The following DTWD1 variants were observed in gnomAD, a reference collection of about 807,000 sequenced individuals.
DTWD1 encodes DTW motif tRNA-uridine aminocarboxypropyltransferase 1, also known as tRNA-uridine aminocarboxypropyltransferase 1.
DTWD1 carries 27 observed loss-of-function variants against 30.2 expected under a neutral mutation model. The ratio of observed to expected loss-of-function variants is 0.90; its 90% CI spans 0.66 to 1.23. The LOEUF (loss-of-function observed/expected upper bound fraction) is 1.23, where lower values mean the gene tolerates loss of function less well. Ranked by LOEUF, DTWD1 falls within the 50% of genes most tolerant of loss-of-function variation. The pLI is 0.00. For synonymous variants in DTWD1, 99 were observed against 113.1 expected (o/e 0.88, Z 0.79); for missense variants, 342 against 348.8 (o/e 0.98, Z 0.15).
intron 2 of DTWD1, among the ~76,000 whole-genome samples, chr15:49,627,210 T>G (rs1296258887): frequency 6.6e-6 from 1 of 152,194 alleles, no homozygotes; most frequent in Non-Finnish European, 1.5e-5. Flanking sequence ...TGATCATCTC[T>G]CAATGGTCTG....
At position 49,646,175 on chromosome 15, in the gene DTWD1, A is replaced by G. The variant is rs1045148693; in HGVS notation, c.*2597A>G. 8.5e-5 allele frequency: 13 copies of G among 152,242 alleles called. No individual in the cohort carries two copies. The highest frequency in any genetic ancestry group is 2.9e-4 in the African/African-American group (12 of 41,460). 9.4% of individuals were successfully genotyped at this position (152,242 alleles called of 1,614,324 possible). ...GATTGGCTGATGGCCAGCCAAACCC[A>G]AGATATGTGAATGATTCCAGCCAAG... On this transcript the variant is annotated 3_prime_UTR_variant, in exon 5 of 5. Coordinates refer to ENST00000403028, the MANE Select transcript of DTWD1 (RefSeq NM_001144955.2).
rs1304638598 is a variant in DTWD1 at position 49,648,519 on chromosome 15, T to C, written c.*4941T>C. 1.3e-5 allele frequency: 2 copies of C among 152,212 alleles called. No homozygotes were observed. 9.4% of individuals were successfully genotyped at this position (152,212 alleles called of 1,614,324 possible). On this transcript the variant is annotated 3_prime_UTR_variant, in exon 5 of 5. Transcript: ENST00000403028. The stretch of plus-strand genomic sequence containing the variant: ...GTTTTGTCATGTTTGGCCAGCCTTA[T>C]CTGAAACTCCTGACCTCAAGTGATC...
chr15:49,640,858 C>A (rs554741699), intron 4 of DTWD1, among the ~76,000 whole-genome samples: 1 of 151,922 alleles, frequency 6.6e-6, no homozygotes, highest in East Asian at 1.9e-4. Context: ...TTTTCAATTT[C>A]TTTTCTTTTG....
rs1377534902 is a variant in DTWD1 at position 49,647,421 on chromosome 15, C to G, written c.*3843C>G. 1.3e-5 allele frequency: 2 copies of G among 152,026 alleles called. No individual in the cohort carries two copies. Among genetic ancestry groups the G allele is most frequent in the Admixed American group, 1.3e-4 (2 of 15,260 alleles). 9.4% of individuals were successfully genotyped at this position (152,026 alleles called of 1,614,324 possible). A position where few individuals can be genotyped will look rare whatever the true frequency, so the allele number is the denominator to read the frequency against. ...TCAGTTCCATTTCCATACCCATTGC[C>G]TTAATTTTGAGCTTGTCTGTTTCTT... is the stretch of plus-strand genomic sequence containing the variant. On this transcript the variant is annotated 3_prime_UTR_variant, in exon 5 of 5. Transcript: ENST00000403028.
At chr15:49,632,381 T>C (rs1481138152) in intron 3 of DTWD1, 79 bp downstream of exon 3, 1 of 1,327,900 alleles carries the variant, frequency 7.5e-7, no homozygotes, top group Non-Finnish European at 1.0e-6. Context: ...CTGAACTTAC[T>C]CAAACATAAT....
rs577654821 is a variant in DTWD1 at position 49,647,506 on chromosome 15, A to G, written c.*3928A>G. On this transcript the variant is annotated 3_prime_UTR_variant, in exon 5 of 5. Transcript: ENST00000403028. Reference sequence around the variant, plus strand: ...ATTAAGTACAATAGATAAGGTACCTAAGAGCCTCGAAACATCACCAAATAC... The same window carrying G: ...ATTAAGTACAATAGATAAGGTACCTGAGAGCCTCGAAACATCACCAAATAC... 6.6e-6 allele frequency: 1 copy of G among 152,274 alleles called. No homozygotes were observed. The highest frequency in any genetic ancestry group is 2.1e-4 in the South Asian group (1 of 4,830). The allele number at this position is 152,274 out of a possible 1,614,324, so 9.4% of individuals were successfully genotyped here.
At chr15:49,626,992 T>G in intron 2 of DTWD1, 1 of 213,696 alleles carries the variant, frequency 4.7e-6, no homozygotes, top group South Asian at 7.0e-5. Context: ...TTTACATTTC[T>G]CTCATAGCCA....
rs1381427709 is a variant in DTWD1 at position 49,654,461 on chromosome 15, T to G, written c.*10883T>G. 6.6e-6 allele frequency: 1 copy of G among 152,028 alleles called. No individual in the cohort carries two copies. Among genetic ancestry groups the G allele is most frequent in the Non-Finnish European group, 1.5e-5 (1 of 68,010 alleles). 9.4% of individuals were successfully genotyped at this position (152,028 alleles called of 1,614,324 possible). The stretch of plus-strand genomic sequence containing the variant: ...GTGGTAAAAGTAAGGTCTGGCAGTT[T>G]TCACTTTCACTCTCCTGAACCTTCA... On this transcript the variant is annotated 3_prime_UTR_variant, in exon 5 of 5. Transcript: ENST00000403028.
intron 4 of DTWD1, among the ~76,000 whole-genome samples, chr15:49,636,238 T>C (rs1199047081): frequency 1.3e-5 from 2 of 152,100 alleles, no homozygotes; most frequent in Non-Finnish European, 2.9e-5. Flanking sequence ...CAATTAGTGT[T>C]ATCTATTTAT....
intron 4 of DTWD1, among the ~76,000 whole-genome samples, chr15:49,636,204 G>A (rs1353074099): frequency 6.6e-6 from 1 of 151,668 alleles, no homozygotes; most frequent in Non-Finnish European, 1.5e-5. Flanking sequence ...TTGCCAAGTA[G>A]TATTTCGTTG....
chr15:49,633,049 C>CTATATCTATA (rs774517463), intron 3 of DTWD1, among the ~76,000 whole-genome samples: 6 of 117,316 alleles, frequency 5.1e-5, no homozygotes, highest in Non-Finnish European at 8.7e-5. Flanking sequence ...ATATCTATAT[C>CTATATCTATA]TATATATATA....
At chr15:49,639,666 T>C (rs952253674) in intron 4 of DTWD1, among the ~76,000 whole-genome samples, 1 of 152,216 alleles carries the variant, frequency 6.6e-6, no homozygotes, top group Admixed American at 6.5e-5. Flanking sequence ...ACTGAAATAT[T>C]TAATGTTGTC....
rs190312013 is a variant in DTWD1 at position 49,643,856 on chromosome 15, A to T, written c.*278A>T. 2.9e-3 allele frequency: 699 copies of T among 239,962 alleles called. 2 individuals carry two copies. The highest frequency in any genetic ancestry group is 4.8e-3 in the Non-Finnish European group (606 of 125,884). 14.9% of individuals were successfully genotyped at this position (239,962 alleles called of 1,614,324 possible). On this transcript the variant is annotated 3_prime_UTR_variant, in exon 5 of 5. Coordinates refer to ENST00000403028, the MANE Select transcript of DTWD1 (RefSeq NM_001144955.2). ...TAATATAGTGTGTTATGTCTCTGTGATTAGATATAACATATTCCATTAGAT... is the reference window on the plus strand; with the variant it reads ...TAATATAGTGTGTTATGTCTCTGTGTTTAGATATAACATATTCCATTAGAT...
chr15:49,640,326 T>G (rs968682387), intron 4 of DTWD1, among the ~76,000 whole-genome samples: 3 of 152,166 alleles, frequency 2.0e-5, no homozygotes, highest in African/African-American at 7.2e-5. Flanking sequence ...ATATCTGTGA[T>G]ATACTACAGT....
Position 49,643,680 on chromosome 15 carries a change from G to A in DTWD1, c.*102G>A. 1 of 1,244,610 alleles carries A rather than the reference G, an allele frequency of 8.0e-7. No homozygotes were observed. Among genetic ancestry groups the A allele is most frequent in the Non-Finnish European group, 1.1e-6 (1 of 939,976 alleles). 77.1% of individuals were successfully genotyped at this position (1,244,610 alleles called of 1,614,324 possible). A position where few individuals can be genotyped will look rare whatever the true frequency, so the allele number is the denominator to read the frequency against. On this transcript the variant is annotated 3_prime_UTR_variant, in exon 5 of 5. Coordinates refer to ENST00000403028, the MANE Select transcript of DTWD1 (RefSeq NM_001144955.2). Reference sequence around the variant, plus strand: ...AAATAATCATATATAATGCCTGTAAGACCATTTGAAAAAATTCCAGTTTCA... The same window carrying A: ...AAATAATCATATATAATGCCTGTAAAACCATTTGAAAAAATTCCAGTTTCA...
intron 2 of DTWD1, among the ~76,000 whole-genome samples, chr15:49,628,864 C>CT (rs2078880572): frequency 1.3e-5 from 2 of 151,592 alleles, no homozygotes; most frequent in South Asian, 2.1e-4. Flanking sequence ...TTTAATTATA[C>CT]TTTAAGTTCT....
intron 2 of DTWD1, among the ~76,000 whole-genome samples, chr15:49,630,212 GAGA>G (rs1174669453): frequency 6.6e-6 from 1 of 152,236 alleles, no homozygotes. Flanking sequence ...AGAAGGGCTT[GAGA>G]AGACTTTTGA....
chr15:49,638,066 G>T (rs1303545886), intron 4 of DTWD1, among the ~76,000 whole-genome samples: 1 of 152,210 alleles, frequency 6.6e-6, no homozygotes, highest in Non-Finnish European at 1.5e-5. Context: ...AAGAGAGAAA[G>T]GGAACACTGC....
Position 49,646,213 on chromosome 15 carries a change from A to G in DTWD1, c.*2635A>G, listed in dbSNP as rs2079117441. 6.6e-6 allele frequency: 1 copy of G among 152,246 alleles called. No homozygotes were observed. The highest frequency in any genetic ancestry group is 1.5e-5 in the Non-Finnish European group (1 of 68,052). 9.4% of individuals were successfully genotyped at this position (152,246 alleles called of 1,614,324 possible). The stretch of plus-strand genomic sequence containing the variant: ...GATTCCAGCCAAGATCAGCAGAGTC[A>G]TCTAACTGACACCTACCTGATTCCA... On this transcript the variant is annotated 3_prime_UTR_variant, in exon 5 of 5. Transcript: ENST00000403028.
Sources: gnomAD v4.1 joint callset for allele counts (sites outside exome capture counted in the v4.1 genomes callset) on GRCh38, gnomAD v4.1.1 for gene constraint, MANE v1.5 for transcripts, NCBI Gene and HGNC (gene_info 2026-07-23, HGNC 2026-07-21) for gene names.